TACC2: variants seen among roughly 807,000 people sequenced by gnomAD.
TACC2 encodes transforming acidic coiled-coil-containing protein 2.
TACC2 carries 137 observed loss-of-function variants against 227.3 expected under a neutral mutation model. The observed-to-expected ratio is 0.60, with a 90% CI of 0.52 to 0.69. The LOEUF (loss-of-function observed/expected upper bound fraction) is 0.69. Among genes scored for constraint, TACC2 ranks in the 30% least tolerant of loss-of-function variants. The probability of loss-of-function intolerance (pLI) is 0.00; values close to 1 mark genes in which losing one functional copy is unlikely to be tolerated. For missense variants in TACC2, 3,470 were observed against 3,694.4 expected (o/e 0.94, Z 1.57); for synonymous variants, 1,523 against 1,487.5 (o/e 1.02, Z -0.55).
At chr10:122,130,221 C>G (rs1407799838) in intron 5 of TACC2, among the ~76,000 whole-genome samples, 1 of 152,106 alleles carries the variant, frequency 6.6e-6, no homozygotes, top group Non-Finnish European at 1.5e-5. Flanking sequence ...GTCTTGAACT[C>G]CTGACCTCAA....
At chr10:122,171,186 T>C (rs574640844) in intron 7 of TACC2, among the ~76,000 whole-genome samples, 2 of 152,366 alleles carry the variant, frequency 1.3e-5, no homozygotes, top group South Asian at 4.1e-4. Context: ...CCGCAGGTTT[T>C]GTACCTGTCT....
chr10:122,237,364 GTT>G (rs111577265), intron 16 of TACC2, 29 bp from the exon 17 acceptor site: 1 of 1,384,336 alleles, frequency 7.2e-7, no homozygotes, highest in Non-Finnish European at 9.8e-7. Context: ...AATGCTAACT[GTT>G]TTTTTTTTAA....
intron 1 of TACC2, among the ~76,000 whole-genome samples, chr10:122,017,666 A>G (rs1388631677): frequency 6.6e-6 from 1 of 151,850 alleles, no homozygotes; most frequent in Non-Finnish European, 1.5e-5. Context: ...AAAATACAAA[A>G]GTTAGTCTGG....
At chr10:122,052,377 T>G (rs551858646) in intron 3 of TACC2, 5 of 152,108 alleles carry the variant, frequency 3.3e-5, no homozygotes, top group Non-Finnish European at 7.4e-5. Context: ...ATTTTTCCCT[T>G]GAAGAATTGC....
At chr10:122,243,301 A>G (rs1196298436) in intron 19 of TACC2, among the ~76,000 whole-genome samples, 1 of 152,172 alleles carries the variant, frequency 6.6e-6, no homozygotes, top group Non-Finnish European at 1.5e-5. Flanking sequence ...AGGTCACTGC[A>G]GACCACGCTT....
chr10:122,157,799 G>A (rs57257159), intron 7 of TACC2, among the ~76,000 whole-genome samples: 12 of 151,418 alleles, frequency 7.9e-5, no homozygotes, highest in South Asian at 4.2e-4. Flanking sequence ...TACCATTTCC[G>A]TCTCAAAAGA....
intron 7 of TACC2, among the ~76,000 whole-genome samples, chr10:122,147,556 C>T (rs568996624): frequency 6.6e-6 from 1 of 152,306 alleles, no homozygotes; most frequent in South Asian, 2.1e-4. Flanking sequence ...GGAACATCTA[C>T]AGAAATTATT....
At chr10:122,167,056 C>A (rs1314566133) in intron 7 of TACC2, among the ~76,000 whole-genome samples, 1 of 152,176 alleles carries the variant, frequency 6.6e-6, no homozygotes, top group African/African-American at 2.4e-5. Flanking sequence ...TAGTTGGAGA[C>A]CCCCGTTTCA....
At chr10:122,182,066 A>G (rs1458612718) in intron 7 of TACC2, among the ~76,000 whole-genome samples, 2 of 152,118 alleles carry the variant, frequency 1.3e-5, no homozygotes, top group Non-Finnish European at 2.9e-5. Flanking sequence ...GGGTTTGCTC[A>G]CTTTATTTCT....
intron 15 of TACC2, 121 bp from the exon 16 acceptor site, chr10:122,230,228 CGT>C: frequency 1.3e-6 from 1 of 764,134 alleles, no homozygotes; most frequent in South Asian, 1.4e-5. Context: ...AGGCGGAGCG[CGT>C]GTTTTTCCCG....
At position 122,226,421 on chromosome 10, in the gene TACC2, A is replaced by G; in HGVS notation, c.7664A>G (p.Gln2555Arg). ...QALYLMFDTS[Q>R]ESPVKSSPVR... ...TTGTACCTTATGTTTGACACTTCTC[A>G]GGAGAGCCCTGTCAAGTCATCTCCC... Residue 2555 changes from glutamine (Q) to arginine (R), a missense_variant, in exon 13 of 23, where the codon CAG (glutamine) becomes CGG (arginine). Gln to Arg is a conservative substitution (Grantham distance 43). This residue lies in a region of TACC2 where 345 missense variants were observed against 354.4 expected (regional missense o/e 0.97). Transcript: ENST00000369005. The G allele has an allele frequency of 6.2e-7, 1 of 1,614,076 alleles. No individual in the cohort carries two copies. Among genetic ancestry groups the G allele is most frequent in the Non-Finnish European group, 8.5e-7 (1 of 1,180,012 alleles).
chr10:122,196,942 A>AC lies in TACC2; in HGVS notation c.5971+1766_5971+1767insC, dbSNP rs1259286307. Among the ~76,000 whole-genome samples the AC allele has an allele frequency of 4.0e-5, 6 of 150,316 alleles. No individual in the cohort carries two copies. In the South Asian group the frequency reaches 8.4e-4, roughly 21 times the overall value. On this transcript the variant is annotated intron_variant, in intron 8 of 22. Transcript: ENST00000369005. ...CAGAGCGAGTCCGTCTCAAAAAAAA[A>AC]AAAAAAAAACAAAAAAACAAAGAAT...
At chr10:122,196,076 C>T (rs1201300819) in intron 8 of TACC2, among the ~76,000 whole-genome samples, 3 of 152,226 alleles carry the variant, frequency 2.0e-5, no homozygotes, top group African/African-American at 7.2e-5. Flanking sequence ...CTGGCTCTTC[C>T]TCCCGAGGGC....
intron 1 of TACC2, among the ~76,000 whole-genome samples, chr10:122,000,546 C>T (rs891329138): frequency 3.3e-5 from 5 of 152,146 alleles, no homozygotes; most frequent in Non-Finnish European, 7.4e-5. Context: ...CTGGAGTGGG[C>T]TCTAGTCACA....
chr10:122,086,027 C>T lies in TACC2; in HGVS notation c.3527C>T (p.Ala1176Val), dbSNP rs1411452249. The T allele has an allele frequency of 6.2e-7, 1 of 1,613,844 alleles. No homozygotes were observed. Among genetic ancestry groups the T allele is most frequent in the South Asian group, 1.1e-5 (1 of 91,086 alleles). ...TCCGGGGAGGAAGCTTCTACCTCTG[C>T]CCTACGTGAGTCCTGCCAAGCTGAG... ...LTSGEEASTS[A>V]LRESCQAEHP... is the part of the protein sequence containing the mutation. The change falls in exon 4 of 23, where the codon GCC becomes GTC. Residue 1176 changes from alanine (A) to valine (V), a missense_variant. By Grantham distance (64) the Ala-to-Val change is moderately conservative (BLOSUM62 0). This residue lies in a region of TACC2 where 1,924 missense variants were observed against 1,978.3 expected (regional missense o/e 0.97). Transcript: ENST00000369005.
chr10:122,204,953 G>A (rs1022626520), intron 8 of TACC2, among the ~76,000 whole-genome samples: 18 of 152,094 alleles, frequency 1.2e-4, no homozygotes, highest in African/African-American at 4.1e-4. Context: ...CAGTGCTCCT[G>A]GGTGCCTTCT....
chr10:122,002,852 C>T (rs778307623), intron 1 of TACC2, among the ~76,000 whole-genome samples: 9 of 152,042 alleles, frequency 5.9e-5, no homozygotes, highest in Non-Finnish European at 1.3e-4. Context: ...GTGCTTTCTC[C>T]CTTTTTCTTT....
chr10:121,991,589 A>T (rs1463926337), intron 1 of TACC2, among the ~76,000 whole-genome samples: 3 of 152,236 alleles, frequency 2.0e-5, no homozygotes, highest in African/African-American at 7.2e-5. Flanking sequence ...CAGCTGAGTG[A>T]ATGATAGAAA....
intron 4 of TACC2, 36 bp downstream of exon 4, chr10:122,087,995 G>C: frequency 1.3e-6 from 2 of 1,490,720 alleles, no homozygotes; most frequent in Non-Finnish European, 8.9e-7. Context: ...GGAATGTGTG[G>C]TCAGTTTCAA....
Sources: allele counts gnomAD v4.1 joint callset (sites outside exome capture counted in the v4.1 genomes callset), GRCh38; gene constraint gnomAD v4.1.1; regional missense constraint gnomAD v4.1.1; transcripts MANE v1.5; gene names NCBI Gene and HGNC (gene_info 2026-07-23, HGNC 2026-07-21).